ELOVL6: variants seen among roughly 807,000 people sequenced by gnomAD.
The protein encoded by ELOVL6 is very long chain fatty acid elongase 6.
Under a neutral mutation model 31.7 loss-of-function variants are expected in ELOVL6, and 8 were observed. The observed-to-expected ratio is 0.25, with a 90% confidence interval of 0.15 to 0.45. The LOEUF (loss-of-function observed/expected upper bound fraction) is 0.45, where lower values mean the gene tolerates loss of function less well. Ranked by LOEUF, ELOVL6 falls within the 20% of genes least tolerant of loss-of-function variation. The pLI is 1.00. For synonymous variants in ELOVL6, 101 were observed against 117.7 expected (o/e 0.86, Z 0.92); for missense variants, 126 against 326.4 (o/e 0.39, Z 4.73).
At chr4:110,140,576 G>A (rs1446690921) in intron 1 of ELOVL6, among the ~76,000 whole-genome samples, 2 of 151,816 alleles carry the variant, frequency 1.3e-5, no homozygotes, top group African/African-American at 4.8e-5. Context: ...TTTTAAAATG[G>A]TTTTCTGCCT....
At chr4:110,076,494 T>C (rs78524981) in intron 2 of ELOVL6, among the ~76,000 whole-genome samples, 12,718 of 152,262 alleles carry the variant, frequency 0.084, 692 homozygotes, top group South Asian at 0.15. Context: ...ATGATTCATA[T>C]TCAGTAATGG....
chr4:110,189,439 T>A (rs1759543395), intron 1 of ELOVL6, among the ~76,000 whole-genome samples: 1 of 150,424 alleles, frequency 6.6e-6, no homozygotes, highest in Non-Finnish European at 1.5e-5. Flanking sequence ...ATACAAAAAT[T>A]AGGCAGGTGT....
intron 1 of ELOVL6, among the ~76,000 whole-genome samples, chr4:110,140,367 A>G (rs1757920183): frequency 6.6e-6 from 1 of 152,160 alleles, no homozygotes; most frequent in African/African-American, 2.4e-5. Context: ...TCTGCTAAAA[A>G]AGAATGGATG....
chr4:110,197,050 C>T (rs984045397), intron 1 of ELOVL6, among the ~76,000 whole-genome samples: 41 of 152,336 alleles, frequency 2.7e-4, no homozygotes, highest in African/African-American at 9.9e-4. Context: ...TTTCTGGTTT[C>T]CAGTTGAAGA....
chr4:110,167,596 A>C (rs931542824), intron 1 of ELOVL6, among the ~76,000 whole-genome samples: 1 of 152,096 alleles, frequency 6.6e-6, no homozygotes, highest in African/African-American at 2.4e-5. Context: ...GCAGTGGTGC[A>C]ATGATCCTCA....
intron 2 of ELOVL6, among the ~76,000 whole-genome samples, chr4:110,082,487 C>T (rs11934676): frequency 0.068 from 10,270 of 151,440 alleles, 950 homozygotes; most frequent in African/African-American, 0.21. Context: ...AGCAAACTAT[C>T]GCAAGGACAA....
intron 1 of ELOVL6, among the ~76,000 whole-genome samples, chr4:110,149,230 C>T (rs578119624): frequency 1.3e-5 from 2 of 152,100 alleles, no homozygotes; most frequent in African/African-American, 2.4e-5. Flanking sequence ...GAGATTTCTT[C>T]GAGAACTAAA....
At chr4:110,120,362 A>AG (rs1430940849) in intron 1 of ELOVL6, among the ~76,000 whole-genome samples, 1 of 151,842 alleles carries the variant, frequency 6.6e-6, no homozygotes, top group East Asian at 1.9e-4. Context: ...GTAAAAAAAA[A>AG]AAAAGATTTG....
intron 1 of ELOVL6, among the ~76,000 whole-genome samples, chr4:110,158,635 G>GTGTATATATATA (rs1463085529): frequency 3.7e-5 from 3 of 81,570 alleles, no homozygotes; most frequent in African/African-American, 1.8e-4. Context: ...ATATACACGT[G>GTGTATATATATA]TATATATATA....
At chr4:110,087,275 T>C (rs1756294337) in intron 2 of ELOVL6, among the ~76,000 whole-genome samples, 1 of 152,162 alleles carries the variant, frequency 6.6e-6, no homozygotes, top group Non-Finnish European at 1.5e-5. Flanking sequence ...CTCTGTATTA[T>C]TAGGCCGTCT....
At chr4:110,086,002 A>G (rs988894645) in intron 2 of ELOVL6, among the ~76,000 whole-genome samples, 1 of 152,198 alleles carries the variant, frequency 6.6e-6, no homozygotes, top group African/African-American at 2.4e-5. Flanking sequence ...TTTGGGGAAG[A>G]AACCAGAAAT....
intron 2 of ELOVL6, among the ~76,000 whole-genome samples, chr4:110,060,416 T>C (rs935846981): frequency 3.9e-5 from 6 of 152,230 alleles, no homozygotes; most frequent in African/African-American, 1.4e-4. Flanking sequence ...GAACCAGTGT[T>C]GTGCTAATAC....
At chr4:110,101,207 T>C (rs1964208) in intron 2 of ELOVL6, among the ~76,000 whole-genome samples, 46,283 of 151,784 alleles carry the variant, frequency 0.3, 8,039 homozygotes, top group East Asian at 0.7. Flanking sequence ...GCCTGGCTAA[T>C]TTTTGTAATT....
At chr4:110,114,412 T>G (rs1305772498) in intron 1 of ELOVL6, among the ~76,000 whole-genome samples, 1 of 152,286 alleles carries the variant, frequency 6.6e-6, no homozygotes, top group Non-Finnish European at 1.5e-5. Context: ...ATCTCAAGAT[T>G]GGAACAGACC....
chr4:110,109,805 G>T (rs2126248374), intron 1 of ELOVL6, among the ~76,000 whole-genome samples: 1 of 152,316 alleles, frequency 6.6e-6, no homozygotes, highest in Non-Finnish European at 1.5e-5. Context: ...GTTTATGTGG[G>T]TAGTATTTCA....
At chr4:110,090,336 T>C (rs1368293275) in intron 2 of ELOVL6, among the ~76,000 whole-genome samples, 1 of 152,220 alleles carries the variant, frequency 6.6e-6, no homozygotes, top group African/African-American at 2.4e-5. Context: ...TTTATCTACA[T>C]GTAAACCTTC....
intron 1 of ELOVL6, among the ~76,000 whole-genome samples, chr4:110,121,606 G>A (rs1291767107): frequency 2.0e-5 from 3 of 152,136 alleles, no homozygotes; most frequent in Non-Finnish European, 4.4e-5. Context: ...GGCTGAGGCA[G>A]GAGAATGGCG....
chr4:110,103,397 A>T (rs1756805216), intron 2 of ELOVL6, among the ~76,000 whole-genome samples: 1 of 152,212 alleles, frequency 6.6e-6, no homozygotes, highest in South Asian at 2.1e-4. Flanking sequence ...GAAAAAGTAC[A>T]TATCCATAAG....
intron 2 of ELOVL6, among the ~76,000 whole-genome samples, chr4:110,084,137 G>GATATATATGATATATAAC (rs1560814205): frequency 3.3e-5 from 2 of 60,880 alleles, no homozygotes; most frequent in Admixed American, 2.1e-4. Flanking sequence ...ATGTGATAAT[G>GATATATATGATATATAAC]ATATATATGA....
Sources: allele counts gnomAD v4.1 joint callset (sites outside exome capture counted in the v4.1 genomes callset), GRCh38; gene constraint gnomAD v4.1.1; transcripts MANE v1.5; gene names NCBI Gene and HGNC (gene_info 2026-07-23, HGNC 2026-07-21).